GLS2: variants seen among roughly 807,000 people sequenced by gnomAD.
The protein encoded by GLS2 is glutaminase liver isoform, mitochondrial.
Under a neutral mutation model 79.0 loss-of-function variants are expected in GLS2, and 52 were observed. The ratio of observed to expected loss-of-function variants is 0.66; its 90% CI spans 0.53 to 0.83. The LOEUF (loss-of-function observed/expected upper bound fraction) is 0.83, where lower values mean the gene tolerates loss of function less well. GLS2 is among the 40% of genes least tolerant of loss of function. GLS2 has a pLI of 0.00. For synonymous variants in GLS2, 238 were observed against 280.8 expected, an observed-to-expected ratio of 0.85 and a Z score of 1.52; for missense variants, 561 against 764.8, an observed-to-expected ratio of 0.73 and a Z score of 3.14.
Position 56,471,558 on chromosome 12 carries a change from T to C in GLS2, c.1738A>G (p.Thr580Ala). 6.2e-7 allele frequency: 1 copy of C among 1,614,106 alleles called. No homozygotes were observed. The highest frequency in any genetic ancestry group is 8.5e-7 in the Non-Finnish European group (1 of 1,180,006). Residue 580 changes from threonine (T) to alanine (A), a missense_variant, in exon 18 of 18, where the codon ACA becomes GCA. Physicochemically the swap from Thr to Ala is moderately conservative, Grantham distance 58. Transcript: ENST00000311966. The stretch of plus-strand genomic sequence containing the variant: ...GCCTCAGCCTGAGTTTCAGAGAGTG[T>C]GTAGGAGTCCTGGTAATCTTGAAGC... ...KLLQDYQDSY[T>A]LSETQAEAAA...
At position 56,478,227 on chromosome 12, in the gene GLS2, G is replaced by A; in HGVS notation, c.570C>T (p.Asn190=). Residue 190 remains asparagine, a synonymous_variant, in exon 5 of 18, where the codon AAC becomes AAT. Coordinates refer to ENST00000311966, the MANE Select transcript of GLS2 (RefSeq NM_013267.4). ...AAYIPQLAKS[N]PDLWGVSLCT... is the part of the protein sequence containing the mutation. ...ACAGGGAGACACCCCACAGGTCTGGGTTTGACTTGGCCAGCTGAGGGATGT... is the reference window on the plus strand; with the variant it reads ...ACAGGGAGACACCCCACAGGTCTGGATTTGACTTGGCCAGCTGAGGGATGT... 6.2e-7 allele frequency: 1 copy of A among 1,614,250 alleles called. No individual in the cohort carries two copies. The highest frequency in any genetic ancestry group is 8.5e-7 in the Non-Finnish European group (1 of 1,180,046).
In GLS2 at chr12:56,477,586, G is replaced by A. The variant is rs1422505443; in HGVS notation, c.837+74C>T. 2.7e-6 allele frequency: 4 copies of A among 1,464,478 alleles called. No homozygotes were observed. The African/African-American group carries it at 5.6e-5, about 21-fold the overall frequency. The allele number at this position is 1,464,478 out of a possible 1,614,324, so 90.7% of individuals were successfully genotyped here. A position where few individuals can be genotyped will look rare whatever the true frequency, so the allele number is the denominator to read the frequency against. Reference sequence around the variant, plus strand: ...GCCCCACCAGTCTCCCTGGAGAGCTGAACAAATATGAGGGATACAGGAACA... The same window carrying A: ...GCCCCACCAGTCTCCCTGGAGAGCTAAACAAATATGAGGGATACAGGAACA... On this transcript the variant is annotated intron_variant, in intron 7 of 17. Transcript: ENST00000311966.
At chr12:56,473,942 GTAAA>G (rs1869544888) in intron 12 of GLS2, 2 of 203,270 alleles carry the variant, frequency 9.8e-6, no homozygotes, top group South Asian at 2.1e-4. Flanking sequence ...GTAGGGTGCT[GTAAA>G]TAGAGGTAGA....
chr12:56,487,977 T>C lies in GLS2; in HGVS notation c.142A>G (p.Arg48Gly). The C allele has an allele frequency of 3.1e-6, 5 of 1,602,522 alleles. No individual in the cohort carries two copies. The highest frequency in any genetic ancestry group is 1.1e-5 in the South Asian group (1 of 90,930). The change falls in exon 1 of 18, where the codon AGA (arginine) becomes GGA (glycine). Residue 48 changes from arginine to glycine, a missense_variant. Arg to Gly is a moderately radical substitution (Grantham distance 125). Coordinates refer to ENST00000311966, the MANE Select transcript of GLS2 (RefSeq NM_013267.4). The stretch of plus-strand genomic sequence containing the variant: ...GGCTGGTGGCTGTGTGGCGTCTCTC[T>C]GCCCTGCGCCGCGGCCTCACTGAGG... ...HHLSEAAAQGRETPHSHQPQH... is the reference protein window; with the variant it reads ...HHLSEAAAQGGETPHSHQPQH...
intron 1 of GLS2, 68 bp from the exon 2 acceptor site, chr12:56,480,455 A>T: frequency 3.4e-6 from 4 of 1,186,374 alleles, no homozygotes; most frequent in Non-Finnish European, 5.0e-6. Context: ...TCCTTCTGCA[A>T]CATGGGCTTA....
chr12:56,480,175 C>T (rs542500248), intron 2 of GLS2, 113 bp downstream of exon 2: 4 of 919,996 alleles, frequency 4.3e-6, no homozygotes, highest in Admixed American at 2.2e-5. Context: ...CATCTGTATG[C>T]TTCACCCTCA....
At chr12:56,473,081 A>G (rs1869453381) in intron 14 of GLS2, 147 bp downstream of exon 14, 6 of 715,172 alleles carry the variant, frequency 8.4e-6, no homozygotes, top group South Asian at 3.7e-5. Flanking sequence ...AATAGAGACC[A>G]GGTTTCACCG....
In GLS2 at chr12:56,478,107, A is replaced by C; in HGVS notation, c.615-11T>G. 6.2e-7 allele frequency: 1 copy of C among 1,614,070 alleles called. No homozygotes were observed. The highest frequency in any genetic ancestry group is 8.5e-7 in the Non-Finnish European group (1 of 1,179,946). ...TGGCCCACAGAGTGCCTGGAGGCAG[A>C]CAGATGCCATGAAAGGGGTTGGCCT... On this transcript the variant is annotated splice_polypyrimidine_tract_variant and intron_variant, in intron 5 of 17. Coordinates refer to ENST00000311966, the MANE Select transcript of GLS2 (RefSeq NM_013267.4).
rs139711605 is a variant in GLS2, at chr12:56,487,941, C to A, written c.178G>T (p.Asp60Tyr). 7 of 1,602,830 alleles carry A rather than the reference C, an allele frequency of 4.4e-6. No homozygotes were observed. Among genetic ancestry groups the A allele is most frequent in the African/African-American group, 1.3e-5 (1 of 74,904 alleles). ...TPHSHQPQHQ[D>Y]HDSSESGMLS... Reference sequence around the variant, plus strand: ...GCCCTGTCCCAGGAGCCTTACTGATCCTGGTGCTGCGGCTGGTGGCTGTGT... The same window carrying A: ...GCCCTGTCCCAGGAGCCTTACTGATACTGGTGCTGCGGCTGGTGGCTGTGT... The change falls in exon 1 of 18, where the codon GAT becomes TAT. Residue 60 changes from aspartate (D) to tyrosine (Y), a missense_variant. This residue lies in a region of GLS2 where 161 missense variants were observed against 167.8 expected (regional missense o/e 0.96). Coordinates refer to ENST00000311966, the MANE Select transcript of GLS2 (RefSeq NM_013267.4).
At position 56,475,949 on chromosome 12, in the gene GLS2, T is replaced by A; in HGVS notation, c.866A>T (p.Asp289Val). Residue 289 changes from aspartate (D) to valine (V), a missense_variant, in exon 8 of 18, where the codon GAT becomes GTT. Asp to Val is a radical substitution (Grantham distance 152, BLOSUM62 -3). This residue lies in a region of GLS2 where 221 missense variants were observed against 275.6 expected (regional missense o/e 0.80). Coordinates refer to ENST00000311966, the MANE Select transcript of GLS2 (RefSeq NM_013267.4). ...CTAAGTAGCAAGGGAACTTACAAAA[T>A]CAAACTTCTCTGCTTTGTTACAGTC... The part of the protein sequence containing the change: ...KMDCNKAEKF[D>V]FVLQYLNKMA... The A allele has an allele frequency of 6.2e-7, 1 of 1,613,668 alleles. No individual in the cohort carries two copies.
chr12:56,480,569 T>C, intron 1 of GLS2, 182 bp from the exon 2 acceptor site: 1 of 585,258 alleles, frequency 1.7e-6, no homozygotes, highest in Non-Finnish European at 3.1e-6. Flanking sequence ...AGATCTTTTC[T>C]CTAGCTTTTA....
chr12:56,485,065 G>A (rs1182148037), intron 1 of GLS2, among the ~76,000 whole-genome samples: 1 of 151,982 alleles, frequency 6.6e-6, no homozygotes, highest in Non-Finnish European at 1.5e-5. Context: ...AAAATGACAA[G>A]ATGACAATGT....
At chr12:56,480,479 G>GTCCTCATTCTATGCC (rs1870194481) in intron 1 of GLS2, 92 bp from the exon 2 acceptor site, 1 of 919,976 alleles carries the variant, frequency 1.1e-6, no homozygotes, top group Non-Finnish European at 1.8e-6. Flanking sequence ...GTAGGTGAGT[G>GTCCTCATTCTATGCC]TCCTCATTCT....
At chr12:56,481,624 C>T (rs1231366844) in intron 1 of GLS2, among the ~76,000 whole-genome samples, 4 of 150,836 alleles carry the variant, frequency 2.7e-5, no homozygotes, top group East Asian at 2.0e-4. Context: ...GGCATGGTGA[C>T]TCACACCTGT....
Position 56,471,303 on chromosome 12 carries a change from G to T in GLS2, c.*184C>A. 1 of 628,642 alleles carries T rather than the reference G, an allele frequency of 1.6e-6. No individual in the cohort carries two copies. The highest frequency in any genetic ancestry group is 2.7e-6 in the Non-Finnish European group (1 of 371,976). 38.9% of individuals were successfully genotyped at this position (628,642 alleles called of 1,614,324 possible). On this transcript the variant is annotated 3_prime_UTR_variant, in exon 18 of 18. Transcript: ENST00000311966. ...CAGGTGTCCTCTGAGGCCCTTCTCTGTACTCTGTCTGCTGAGGGAATGGGG... is the reference window on the plus strand; with the variant it reads ...CAGGTGTCCTCTGAGGCCCTTCTCTTTACTCTGTCTGCTGAGGGAATGGGG...
intron 9 of GLS2, 89 bp downstream of exon 9, chr12:56,475,535 T>A: frequency 1.5e-6 from 2 of 1,359,648 alleles, no homozygotes; most frequent in Non-Finnish European, 2.1e-6. Context: ...CCTCCTAAGA[T>A]TCTCTCTCCC....
intron 13 of GLS2, 21 bp from the exon 14 acceptor site, chr12:56,473,341 TA>T (rs1869484423): frequency 6.2e-7 from 1 of 1,613,348 alleles, no homozygotes; most frequent in Non-Finnish European, 8.5e-7. Flanking sequence ...AAGCCAAATA[TA>T]TTGTTTATTT....
chr12:56,477,870 A>G (rs1869959610), intron 6 of GLS2, 63 bp downstream of exon 6: 7 of 1,566,472 alleles, frequency 4.5e-6, no homozygotes, highest in South Asian at 2.4e-5. Context: ...AGGCTGGGAG[A>G]TGGGGTGGGG....
At chr12:56,476,110 CT>C (rs113881795) in intron 7 of GLS2, 133 bp from the exon 8 acceptor site, 36 of 766,192 alleles carry the variant, frequency 4.7e-5, no homozygotes, top group African/African-American at 4.3e-4. Flanking sequence ...TATAATGGCC[CT>C]TTTTTTATCC....
Sources: gnomAD v4.1 joint callset for allele counts (sites outside exome capture counted in the v4.1 genomes callset) on GRCh38, gnomAD v4.1.1 for gene constraint, gnomAD v4.1.1 regional missense constraint, MANE v1.5 for transcripts, NCBI Gene and HGNC (gene_info 2026-07-23, HGNC 2026-07-21) for gene names.